The following MPHOSPH9 variants were observed in gnomAD, a reference collection of about 807,000 sequenced individuals.
MPHOSPH9 encodes M-phase phosphoprotein 9.
A neutral mutation model predicts 145.5 loss-of-function variants in MPHOSPH9; 88 were observed. The observed-to-expected ratio is 0.60, with a 90% CI of 0.51 to 0.72. MPHOSPH9 has a LOEUF of 0.72. Ranked by LOEUF, MPHOSPH9 falls within the 30% of genes least tolerant of loss-of-function variation. The pLI, the probability that MPHOSPH9 is intolerant of heterozygous loss-of-function variation, is 0.00. For missense variants in MPHOSPH9, 1,238 were observed against 1,386.6 expected (o/e 0.89, Z 1.70); for synonymous variants, 435 against 486.2 (o/e 0.89, Z 1.39).
chr12:123,221,584 C>G lies in MPHOSPH9; in HGVS notation c.660G>C (p.Glu220Asp). The G allele has an allele frequency of 6.2e-7, 1 of 1,614,074 alleles. No homozygotes were observed. Among genetic ancestry groups the G allele is most frequent in the Admixed American group, 1.7e-5 (1 of 60,004 alleles). Residue 220 changes from glutamate (E) to aspartate (D), a missense_variant, in exon 5 of 24, where the codon GAG becomes GAC. Around this residue, in one of 3 missense-constraint regions of MPHOSPH9, gnomAD observed 837 missense variants for 897.5 expected, o/e 0.93. Coordinates refer to ENST00000606320, the MANE Select transcript of MPHOSPH9 (RefSeq NM_022782.4). ...ACTGTCCTTTGGGAACATCTATGTG[C>G]TCCATGAACTCCTTAGGGTCTTTAG... Reference protein sequence around the residue: ...YKSKDPKEFMEHIDVPKGQYV... With the variant: ...YKSKDPKEFMDHIDVPKGQYV...
intron 2 of MPHOSPH9, among the ~76,000 whole-genome samples, chr12:123,229,119 TA>T (rs1201382380): frequency 6.6e-6 from 1 of 152,210 alleles, no homozygotes; most frequent in Non-Finnish European, 1.5e-5. Context: ...TAACAACTTT[TA>T]AAGTAATGTA....
chr12:123,184,370 G>C (rs2045339865), intron 13 of MPHOSPH9, among the ~76,000 whole-genome samples: 1 of 152,020 alleles, frequency 6.6e-6, no homozygotes, highest in Admixed American at 6.6e-5. Context: ...CACATCTGGA[G>C]GTCCCCTAAC....
In MPHOSPH9 at chr12:123,190,096, G is replaced by A. The variant is rs144879894; in HGVS notation, c.2241+4290C>T. 2.0e-5 allele frequency among the ~76,000 whole-genome samples: 3 copies of A among 151,878 alleles called. No homozygotes were observed. In the East Asian group the frequency reaches 5.8e-4, roughly 29 times the overall value. ...TAGATCAGTTACTCCCAGGAAGACA[G>A]AAGTGATCAGAAAAGGGTGCACAGG... On this transcript the variant is annotated intron_variant, in intron 13 of 23. Coordinates refer to ENST00000606320, the MANE Select transcript of MPHOSPH9 (RefSeq NM_022782.4).
At chr12:123,243,050 G>C (rs1436302785) in intron 1 of MPHOSPH9, among the ~76,000 whole-genome samples, 1 of 152,174 alleles carries the variant, frequency 6.6e-6, no homozygotes, top group Non-Finnish European at 1.5e-5. Context: ...GTGATTCTTA[G>C]AGAGAGTTCA....
At chr12:123,189,928 T>A (rs2045602488) in intron 13 of MPHOSPH9, among the ~76,000 whole-genome samples, 7 of 149,098 alleles carry the variant, frequency 4.7e-5, no homozygotes, top group Admixed American at 4.7e-4. Context: ...GGAGCGAGAC[T>A]CCATCTCAAA....
At chr12:123,196,221 G>A (rs983167981) in intron 12 of MPHOSPH9, among the ~76,000 whole-genome samples, 1 of 152,026 alleles carries the variant, frequency 6.6e-6, no homozygotes, top group African/African-American at 2.4e-5. Context: ...TTGGTGGTGG[G>A]CACCTGTAAT....
At chr12:123,172,532 C>T (rs1449674372) in intron 16 of MPHOSPH9, among the ~76,000 whole-genome samples, 1 of 152,142 alleles carries the variant, frequency 6.6e-6, no homozygotes, top group Admixed American at 6.5e-5. Flanking sequence ...GGGGTTTTGC[C>T]ATGTTGGCCA....
chr12:123,198,328 G>T lies in MPHOSPH9; in HGVS notation c.1944C>A (p.Gly648=). The change falls in exon 12 of 24, where the codon GGC becomes GGA. Residue 648 remains glycine, a synonymous_variant. Transcript: ENST00000606320. ...ITNQILVDRC[G]QLDSALHEAT... Reference sequence around the variant, plus strand: ...CTTCATGCAAAGCACTATCTAATTGGCCACATCTAAAAACCATAAATTTAG... The same window carrying T: ...CTTCATGCAAAGCACTATCTAATTGTCCACATCTAAAAACCATAAATTTAG... The T allele has an allele frequency of 6.2e-7, 1 of 1,609,848 alleles. No homozygotes were observed. Among genetic ancestry groups the T allele is most frequent in the Non-Finnish European group, 8.5e-7 (1 of 1,177,858 alleles).
intron 1 of MPHOSPH9, among the ~76,000 whole-genome samples, chr12:123,230,760 TACA>T (rs1225356997): frequency 6.6e-6 from 1 of 152,138 alleles, no homozygotes; most frequent in Non-Finnish European, 1.5e-5. Flanking sequence ...AGACACATGC[TACA>T]ACATACATGA....
chr12:123,163,114 T>A lies in MPHOSPH9; in HGVS notation c.2929A>T (p.Thr977Ser). The change falls in exon 20 of 24, where the codon ACA becomes TCA. Residue 977 changes from threonine (T) to serine (S), a missense_variant. Physicochemically the swap from Thr to Ser is moderately conservative, Grantham distance 58. This residue lies in a region of MPHOSPH9 where 393 missense variants were observed against 462.5 expected (regional missense o/e 0.85). Transcript: ENST00000606320. ...STPTKREIML[T>S]PVTVAYSPKR... The stretch of plus-strand genomic sequence containing the variant: ...GGACTATAAGCCACAGTCACTGGTG[T>A]TAGCATAATCTCTCTTTTTGCTATA... 6.3e-7 allele frequency: 1 copy of A among 1,583,566 alleles called. No homozygotes were observed. The highest frequency in any genetic ancestry group is 1.9e-5 in the Admixed American group (1 of 51,408).
chr12:123,220,915 C>T (rs2047170588), intron 5 of MPHOSPH9, among the ~76,000 whole-genome samples: 2 of 151,860 alleles, frequency 1.3e-5, no homozygotes, highest in South Asian at 4.1e-4. Context: ...ATTAGCCTGG[C>T]GTGGTGGCGG....
chr12:123,203,721 T>C (rs191728906), intron 8 of MPHOSPH9, among the ~76,000 whole-genome samples: 152 of 152,326 alleles, frequency 1.0e-3, no homozygotes, highest in Non-Finnish European at 1.8e-3. Flanking sequence ...TCTCACCCTG[T>C]TGCCCAGGCT....
At chr12:123,179,473 G>T (rs927807192) in intron 15 of MPHOSPH9, among the ~76,000 whole-genome samples, 1 of 152,110 alleles carries the variant, frequency 6.6e-6, no homozygotes, top group Non-Finnish European at 1.5e-5. Flanking sequence ...TACTCGGGAG[G>T]CTGAGGCAGG....
At chr12:123,216,708 T>A (rs1476336076) in intron 6 of MPHOSPH9, among the ~76,000 whole-genome samples, 1 of 151,452 alleles carries the variant, frequency 6.6e-6, no homozygotes, top group Admixed American at 6.6e-5. Context: ...TTTAAAAAAA[T>A]TTCTTTGGGC....
intron 13 of MPHOSPH9, among the ~76,000 whole-genome samples, chr12:123,181,751 G>A (rs770461098): frequency 6.6e-6 from 1 of 151,878 alleles, no homozygotes; most frequent in Non-Finnish European, 1.5e-5. Context: ...AGCTGAACAT[G>A]GGGATATATG....
intron 23 of MPHOSPH9, 91 bp downstream of exon 23, chr12:123,160,690 A>T (rs991313957): frequency 1.6e-6 from 2 of 1,213,618 alleles, no homozygotes; most frequent in Non-Finnish European, 2.3e-6. Context: ...TCTAATTTTC[A>T]CTGTGCCATG....
chr12:123,177,216 A>G (rs1032305472), intron 15 of MPHOSPH9, among the ~76,000 whole-genome samples: 1 of 151,914 alleles, frequency 6.6e-6, no homozygotes, highest in Admixed American at 6.6e-5. Flanking sequence ...AACATTTTTC[A>G]TAGTAAAACA....
At position 123,160,786 on chromosome 12, in the gene MPHOSPH9, T is replaced by G. The variant is rs750768792; in HGVS notation, c.3445A>C (p.Asn1149His). The part of the protein sequence containing the change: ...GGRITLQTRL[N>H]QEALEDRLER... The stretch of plus-strand genomic sequence containing the variant: ...TTCAAGCTAAGACATTTCACCTGAT[T>G]TAATCTTGTCTGTAAAGTGATTCGT... The change falls in exon 23 of 24, where the codon AAT becomes CAT. Residue 1149 changes from asparagine to histidine, a missense_variant. Physicochemically the swap from Asn to His is moderately conservative, Grantham distance 68. Around this residue, in one of 3 missense-constraint regions of MPHOSPH9, gnomAD observed 393 missense variants for 462.5 expected, o/e 0.85. Coordinates refer to ENST00000606320, the MANE Select transcript of MPHOSPH9 (RefSeq NM_022782.4). 6.2e-7 allele frequency: 1 copy of G among 1,613,816 alleles called. No homozygotes were observed. The highest frequency in any genetic ancestry group is 8.5e-7 in the Non-Finnish European group (1 of 1,179,942).
At chr12:123,225,349 T>G (rs1199525791) in intron 3 of MPHOSPH9, among the ~76,000 whole-genome samples, 7 of 145,232 alleles carry the variant, frequency 4.8e-5, no homozygotes, top group Non-Finnish European at 1.1e-4. Context: ...GAAGCTGAGG[T>G]GGGAGGATGG....
Sources: gnomAD v4.1 joint callset for allele counts (sites outside exome capture counted in the v4.1 genomes callset) on GRCh38, gnomAD v4.1.1 for gene constraint, gnomAD v4.1.1 regional missense constraint, MANE v1.5 for transcripts, NCBI Gene and HGNC (gene_info 2026-07-23, HGNC 2026-07-21) for gene names.